FRMD4A: variants seen among roughly 807,000 people sequenced by gnomAD.
FRMD4A encodes the protein FERM domain-containing protein 4A.
A neutral mutation model predicts 129.1 loss-of-function variants in FRMD4A; 29 were observed. The observed-to-expected ratio is 0.22, with a 90% CI of 0.17 to 0.31. FRMD4A has a LOEUF of 0.31. Ranked by LOEUF, FRMD4A falls within the 10% of genes least tolerant of loss-of-function variation. FRMD4A has a pLI of 1.00. For missense variants in FRMD4A, 1,272 were observed against 1,375.8 expected (o/e 0.92, Z 1.19); for synonymous variants, 634 against 571.6 (o/e 1.11, Z -1.56).
chr10:13,883,553 G>T (rs1346145576), intron 2 of FRMD4A, among the ~76,000 whole-genome samples: 1 of 152,072 alleles, frequency 6.6e-6, no homozygotes, highest in Admixed American at 6.5e-5. Context: ...TACTATTCTC[G>T]TATTCTCTGA....
At chr10:13,680,312 A>G (rs1196075154) in intron 15 of FRMD4A, among the ~76,000 whole-genome samples, 2 of 151,982 alleles carry the variant, frequency 1.3e-5, no homozygotes, top group African/African-American at 4.8e-5. Context: ...AACCAAACCA[A>G]AAATTCTAAT....
chr10:13,717,564 T>G (rs1166958566), intron 12 of FRMD4A, among the ~76,000 whole-genome samples: 1 of 151,758 alleles, frequency 6.6e-6, no homozygotes, highest in East Asian at 1.9e-4. Flanking sequence ...TCTGCCTGCC[T>G]CAGCTTCCTA....
At chr10:14,327,638 T>C (rs545476036) in intron 2 of FRMD4A, among the ~76,000 whole-genome samples, 2 of 152,338 alleles carry the variant, frequency 1.3e-5, no homozygotes, top group East Asian at 3.9e-4. Context: ...CTAAGCTGAA[T>C]GTAACCTCTG....
At chr10:14,227,270 T>A (rs1315781251) in intron 2 of FRMD4A, among the ~76,000 whole-genome samples, 137 of 134,360 alleles carry the variant, frequency 1.0e-3, no homozygotes, top group Non-Finnish European at 2.0e-3. Flanking sequence ...TTTTTTTTTT[T>A]AGGCAGAGTC....
At chr10:13,791,255 G>A (rs1378802622) in intron 5 of FRMD4A, among the ~76,000 whole-genome samples, 1 of 152,166 alleles carries the variant, frequency 6.6e-6, no homozygotes, top group Non-Finnish European at 1.5e-5. Flanking sequence ...CCACAGTGGG[G>A]AACAGAGACC....
intron 2 of FRMD4A, among the ~76,000 whole-genome samples, chr10:14,226,767 C>A (rs1463829895): frequency 6.6e-6 from 1 of 152,186 alleles, no homozygotes; most frequent in Non-Finnish European, 1.5e-5. Context: ...CAAGGCTCCA[C>A]CTCACGAGGG....
At chr10:13,844,336 T>C (rs1050103864) in intron 3 of FRMD4A, among the ~76,000 whole-genome samples, 6 of 152,228 alleles carry the variant, frequency 3.9e-5, no homozygotes, top group African/African-American at 1.2e-4. Context: ...TCTAACTCTG[T>C]TACTCATCTG....
intron 2 of FRMD4A, among the ~76,000 whole-genome samples, chr10:13,865,577 A>ATCCTCCCACCTCAGCCTCCTGG (rs2094356714): frequency 6.6e-6 from 1 of 150,602 alleles, no homozygotes; most frequent in Non-Finnish European, 1.5e-5. Flanking sequence ...CAGCCTCCTG[A>ATCCTCCCACCTCAGCCTCCTGG]GTATCTGGGA....
Position 14,162,019 on chromosome 10 carries a change from A to G in FRMD4A, c.45+168039T>C, listed in dbSNP as rs556212826. Among the ~76,000 whole-genome samples the G allele has an allele frequency of 2.7e-4, 41 of 150,818 alleles. 1 individual carries two copies. The East Asian group carries it at 7.8e-3, about 29-fold the overall frequency. ...TATTAAATTACTTTAAGTTATATAT[A>G]TTAGATATTTTATATAATTTATTTA... On this transcript the variant is annotated intron_variant, in intron 2 of 24. Transcript: ENST00000357447.
intron 9 of FRMD4A, among the ~76,000 whole-genome samples, chr10:13,743,516 G>C (rs1264949707): frequency 6.6e-6 from 1 of 152,174 alleles, no homozygotes; most frequent in African/African-American, 2.4e-5. Flanking sequence ...ACATAGCACT[G>C]TAGCCATGAA....
At chr10:13,911,108 C>T (rs2094936558) in intron 2 of FRMD4A, among the ~76,000 whole-genome samples, 1 of 152,014 alleles carries the variant, frequency 6.6e-6, no homozygotes. Flanking sequence ...AGAACAAATA[C>T]AAACAAATAA....
At chr10:13,656,355 T>A (rs2082142923) in intron 22 of FRMD4A, among the ~76,000 whole-genome samples, 1 of 152,206 alleles carries the variant, frequency 6.6e-6, no homozygotes, top group Non-Finnish European at 1.5e-5. Context: ...TTTCTTAGAT[T>A]TCTGTCTTTA....
chr10:14,081,510 C>A (rs2131733676), intron 2 of FRMD4A, among the ~76,000 whole-genome samples: 1 of 152,224 alleles, frequency 6.6e-6, no homozygotes, highest in South Asian at 2.1e-4. Context: ...AACTTAACTT[C>A]TCATCTAAAA....
intron 5 of FRMD4A, among the ~76,000 whole-genome samples, chr10:13,789,206 G>A (rs148256867): frequency 1.3e-3 from 196 of 152,238 alleles, no homozygotes; most frequent in African/African-American, 4.4e-3. Context: ...GCAAGTTCTG[G>A]TTAGCAGGAA....
At chr10:14,046,042 T>C (rs1833981127) in intron 2 of FRMD4A, among the ~76,000 whole-genome samples, 1 of 151,248 alleles carries the variant, frequency 6.6e-6, no homozygotes, top group Admixed American at 6.6e-5. Flanking sequence ...AATATGTATG[T>C]ATTGAAAAGT....
At position 13,644,841 on chromosome 10, in the gene FRMD4A, T is replaced by G. The variant is rs2081020831; in HGVS notation, c.*2197A>C. ...TTCTTTGTAGCTCTAACCATGAAAG[T>G]AAAAGCAACAAAAATATCCCCCAGT... On this transcript the variant is annotated 3_prime_UTR_variant, in exon 25 of 25. Transcript: ENST00000357447. 6.6e-6 allele frequency: 1 copy of G among 152,084 alleles called. No individual in the cohort carries two copies. Among genetic ancestry groups the G allele is most frequent in the African/African-American group, 2.4e-5 (1 of 41,416 alleles). 9.4% of individuals were successfully genotyped at this position (152,084 alleles called of 1,614,324 possible).
At chr10:13,784,837 A>G (rs1281104021) in intron 5 of FRMD4A, among the ~76,000 whole-genome samples, 3 of 152,052 alleles carry the variant, frequency 2.0e-5, no homozygotes, top group Non-Finnish European at 4.4e-5. Flanking sequence ...CTAAAAATAC[A>G]AAAATTAGCC....
At chr10:14,314,201 G>A (rs886934067) in intron 2 of FRMD4A, among the ~76,000 whole-genome samples, 2 of 152,072 alleles carry the variant, frequency 1.3e-5, no homozygotes, top group African/African-American at 2.4e-5. Flanking sequence ...ACAGGAACTG[G>A]TCCAAAATAA....
chr10:13,944,357 G>A (rs1190685072), intron 2 of FRMD4A, among the ~76,000 whole-genome samples: 1 of 152,038 alleles, frequency 6.6e-6, no homozygotes, highest in East Asian at 1.9e-4. Flanking sequence ...TTCAATGCCT[G>A]ATGATTTGTC....
Sources: gnomAD v4.1 joint callset for allele counts (sites outside exome capture counted in the v4.1 genomes callset) on GRCh38, gnomAD v4.1.1 for gene constraint, MANE v1.5 for transcripts, NCBI Gene and HGNC (gene_info 2026-07-23, HGNC 2026-07-21) for gene names.